BRINP3: variants seen among roughly 807,000 people sequenced by gnomAD.
BRINP3 encodes BMP/retinoic acid-inducible neural-specific protein 3.
A neutral mutation model predicts 71.0 loss-of-function variants in BRINP3; 19 were observed. The observed-to-expected ratio is 0.27, with a 90% confidence interval of 0.19 to 0.39. The LOEUF (loss-of-function observed/expected upper bound fraction) is 0.39. BRINP3 is among the 10% of genes least tolerant of loss of function. The pLI is 1.00. For synonymous variants in BRINP3, 380 were observed against 337.7 expected (o/e 1.13, Z -1.37); for missense variants, 959 against 940.8 (o/e 1.02, Z -0.25).
At chr1:190,336,935 A>T (rs1017706310) in intron 2 of BRINP3, among the ~76,000 whole-genome samples, 2 of 151,108 alleles carry the variant, frequency 1.3e-5, no homozygotes, top group African/African-American at 4.9e-5. Flanking sequence ...ACCCACCAAG[A>T]ATACTAATGA....
intron 7 of BRINP3, among the ~76,000 whole-genome samples, chr1:190,133,575 T>A (rs550833375): frequency 2.6e-5 from 4 of 152,152 alleles, no homozygotes; most frequent in African/African-American, 9.6e-5. Flanking sequence ...TAAAAATATA[T>A]ATATTCTACA....
chr1:190,246,533 A>G (rs888154464), intron 4 of BRINP3, among the ~76,000 whole-genome samples: 2 of 152,058 alleles, frequency 1.3e-5, no homozygotes, highest in African/African-American at 2.4e-5. Context: ...ACAGGAGAAA[A>G]ATGATTCTTC....
At chr1:190,390,595 T>G (rs1671191529) in intron 2 of BRINP3, among the ~76,000 whole-genome samples, 1 of 151,728 alleles carries the variant, frequency 6.6e-6, no homozygotes, top group African/African-American at 2.4e-5. Context: ...GTGTGAACTC[T>G]AATAATAATG....
chr1:190,413,364 A>G (rs879789140), intron 2 of BRINP3, among the ~76,000 whole-genome samples: 7 of 152,364 alleles, frequency 4.6e-5, no homozygotes, highest in African/African-American at 9.6e-5. Flanking sequence ...AGGCTGCTCA[A>G]TGATATCAGG....
chr1:190,291,315 C>A (rs549883457), intron 2 of BRINP3, among the ~76,000 whole-genome samples: 2 of 152,058 alleles, frequency 1.3e-5, no homozygotes, highest in Admixed American at 1.3e-4. Flanking sequence ...GCACAGACAA[C>A]AAATGCATAT....
At chr1:190,238,731 C>G (rs1384106451) in intron 4 of BRINP3, among the ~76,000 whole-genome samples, 1 of 152,070 alleles carries the variant, frequency 6.6e-6, no homozygotes, top group Admixed American at 6.6e-5. Context: ...TTGAAAGTAT[C>G]TACATAAGTA....
chr1:190,339,760 T>C (rs566607800), intron 2 of BRINP3, among the ~76,000 whole-genome samples: 1 of 152,062 alleles, frequency 6.6e-6, no homozygotes, highest in East Asian at 1.9e-4. Context: ...TCTGTTATCG[T>C]ATGGGTGTGT....
chr1:190,228,354 C>G (rs1456240878), intron 5 of BRINP3, among the ~76,000 whole-genome samples: 1 of 151,904 alleles, frequency 6.6e-6, no homozygotes, highest in Admixed American at 6.6e-5. Context: ...TACTTGTAAA[C>G]TACTTATCCA....
intron 2 of BRINP3, among the ~76,000 whole-genome samples, chr1:190,299,993 C>T (rs573476456): frequency 2.9e-4 from 44 of 152,142 alleles, no homozygotes; most frequent in Non-Finnish European, 3.8e-4. Context: ...TTTTTTCCTT[C>T]ATTTCAACTT....
chr1:190,423,741 C>T (rs1673525875), intron 2 of BRINP3, among the ~76,000 whole-genome samples: 2 of 151,668 alleles, frequency 1.3e-5, no homozygotes, highest in Admixed American at 6.6e-5. Flanking sequence ...CCAACTCCTC[C>T]ACCCCCTACC....
At chr1:190,321,752 A>G (rs1469868731) in intron 2 of BRINP3, among the ~76,000 whole-genome samples, 1 of 152,118 alleles carries the variant, frequency 6.6e-6, no homozygotes, top group Non-Finnish European at 1.5e-5. Context: ...GAAAATTATT[A>G]TACTGCATAT....
intron 4 of BRINP3, among the ~76,000 whole-genome samples, chr1:190,264,174 T>C: frequency 6.6e-6 from 1 of 152,040 alleles, no homozygotes; most frequent in East Asian, 1.9e-4. Flanking sequence ...CAATTTCTCC[T>C]CTCTGTCTCT....
chr1:190,376,683 T>C (rs1220230547), intron 2 of BRINP3, among the ~76,000 whole-genome samples: 1 of 152,062 alleles, frequency 6.6e-6, no homozygotes, highest in African/African-American at 2.4e-5. Context: ...AACATTACTT[T>C]CTTCCAAAAA....
At chr1:190,333,493 A>C (rs1667093174) in intron 2 of BRINP3, among the ~76,000 whole-genome samples, 1 of 151,988 alleles carries the variant, frequency 6.6e-6, no homozygotes, top group Non-Finnish European at 1.5e-5. Flanking sequence ...TAATAACATC[A>C]AACTAAATAT....
At chr1:190,292,886 A>C (rs1195518851) in intron 2 of BRINP3, among the ~76,000 whole-genome samples, 1 of 151,484 alleles carries the variant, frequency 6.6e-6, no homozygotes, top group South Asian at 2.1e-4. Context: ...TGTGTTATTT[A>C]TTGTAATGTC....
intron 2 of BRINP3, among the ~76,000 whole-genome samples, chr1:190,352,925 T>G (rs1025927837): frequency 6.6e-6 from 1 of 151,848 alleles, no homozygotes. Flanking sequence ...CTATGAAAGT[T>G]AGAATTGTGT....
intron 7 of BRINP3, among the ~76,000 whole-genome samples, chr1:190,100,069 A>G (rs1651567669): frequency 6.6e-6 from 1 of 152,168 alleles, no homozygotes; most frequent in East Asian, 1.9e-4. Context: ...CACAGCCTCT[A>G]TAACACACAG....
intron 6 of BRINP3, among the ~76,000 whole-genome samples, chr1:190,189,754 C>A (rs1471973958): frequency 6.6e-6 from 1 of 151,984 alleles, no homozygotes; most frequent in Admixed American, 6.6e-5. Context: ...TTTATAATTA[C>A]CATTTCTTTA....
At chr1:190,182,889 T>C (rs1361110541) in intron 6 of BRINP3, among the ~76,000 whole-genome samples, 1 of 152,116 alleles carries the variant, frequency 6.6e-6, no homozygotes, top group African/African-American at 2.4e-5. Context: ...ACTTCTTCCT[T>C]TGGCTGACTT....
Sources: allele counts gnomAD v4.1 joint callset (sites outside exome capture counted in the v4.1 genomes callset), GRCh38; gene constraint gnomAD v4.1.1; transcripts MANE v1.5; gene names NCBI Gene and HGNC (gene_info 2026-07-23, HGNC 2026-07-21).